Variants in RPL27A observed in about 807,000 individuals in gnomAD.
RPL27A encodes the protein large ribosomal subunit protein uL15.
For missense variants in RPL27A, 118 were observed against 189.4 expected, an observed-to-expected ratio of 0.62 and a Z score of 2.21; for synonymous variants, 69 against 68.3, an observed-to-expected ratio of 1.01 and a Z score of -0.05.
In RPL27A at chr11:8,683,120, G is replaced by T. The variant is rs1315805115; in HGVS notation, c.4-82G>T. ...CAGAAGTTAGGTCTTTGACCCACAG[G>T]CTTACAGGACCATCTCGGCTGGCGG... On this transcript the variant is annotated intron_variant, in intron 1 of 4. Coordinates refer to ENST00000314138, the MANE Select transcript of RPL27A (RefSeq NM_000990.5). 3.6e-6 allele frequency: 5 copies of T among 1,408,324 alleles called. No individual in the cohort carries two copies. In the Admixed American group the frequency reaches 5.0e-5, roughly 14 times the overall value. 87.2% of individuals were successfully genotyped at this position (1,408,324 alleles called of 1,614,324 possible).
In RPL27A at chr11:8,687,246, A is replaced by C. The variant is rs2039594531; in HGVS notation, c.*1440A>C. The stretch of plus-strand genomic sequence containing the variant: ...GAAACCTTGTCTCTACTAAATACAC[A>C]AAATTAGCCAGGCGTGGTGGCACAT... On this transcript the variant is annotated 3_prime_UTR_variant, in exon 5 of 5. Transcript: ENST00000314138. The C allele has an allele frequency of 6.6e-6, 1 of 152,252 alleles. No individual in the cohort carries two copies. The highest frequency in any genetic ancestry group is 2.4e-5 in the African/African-American group (1 of 41,458). 9.4% of individuals were successfully genotyped at this position (152,252 alleles called of 1,614,324 possible).
intron 1 of RPL27A, 82 bp from the exon 2 acceptor site, chr11:8,683,120 G>C: frequency 2.1e-6 from 3 of 1,408,324 alleles, no homozygotes; most frequent in Non-Finnish European, 2.0e-6. Context: ...TGACCCACAG[G>C]CTTACAGGAC....
chr11:8,685,350 A>G, intron 4 of RPL27A: 1 of 555,220 alleles, frequency 1.8e-6, no homozygotes, highest in Non-Finnish European at 3.5e-6. Context: ...AGCCTATTTA[A>G]TGTCCATTGA....
In RPL27A at chr11:8,684,022, C is replaced by T. The variant is rs1353348610; in HGVS notation, c.84C>T (p.His28=). The T allele has an allele frequency of 2.5e-6, 4 of 1,612,812 alleles. No homozygotes were observed. Among genetic ancestry groups the T allele is most frequent in the South Asian group, 1.1e-5 (1 of 91,084 alleles). Residue 28 remains histidine (H), a synonymous_variant, in exon 3 of 5, where the codon CAC becomes CAT. Coordinates refer to ENST00000314138, the MANE Select transcript of RPL27A (RefSeq NM_000990.5). ...GHGRIGKHRK[H]PGGRGNAGGL... ...TTCCTGCAGGCAAGCACCGGAAGCA[C>T]CCCGGCGGCCGCGGTAATGCTGGTG...
chr11:8,685,441 C>T (rs377077158), intron 4 of RPL27A: 26 of 680,846 alleles, frequency 3.8e-5, no homozygotes, highest in South Asian at 6.8e-5. Flanking sequence ...TATGCTTTGC[C>T]GAGACTAGAG....
chr11:8,684,297 T>C (rs2039559943), intron 3 of RPL27A: 1 of 753,872 alleles, frequency 1.3e-6, no homozygotes, highest in South Asian at 1.4e-5. Context: ...GAGTAACTGC[T>C]GACCTTATTC....
intron 4 of RPL27A, 183 bp downstream of exon 4, chr11:8,685,075 G>T: frequency 1.5e-6 from 1 of 652,602 alleles, no homozygotes; most frequent in South Asian, 1.8e-5. Flanking sequence ...TGCCCAGGTT[G>T]TATCAGGTTT....
rs2039575578 is a variant in RPL27A at position 8,685,259 on chromosome 11, CCT to C, written c.318+368_318+369del. The C allele has an allele frequency of 9.2e-6, 4 of 434,820 alleles. No individual in the cohort carries two copies. The Admixed American group carries it at 1.3e-4, about 14-fold the overall frequency. The allele number at this position is 434,820 out of a possible 1,614,324, so 26.9% of individuals were successfully genotyped here. A position where few individuals can be genotyped will look rare whatever the true frequency, so the allele number is the denominator to read the frequency against. On this transcript the variant is annotated intron_variant, in intron 4 of 4. Transcript: ENST00000314138. ...GTCTGTCCTTGCGGGGGTTCTGGTC[CCT>C]GTGTCAGTCTTAACTCTCATGAATA...
At chr11:8,684,960 C>A in intron 4 of RPL27A, 68 bp downstream of exon 4, 1 of 1,449,408 alleles carries the variant, frequency 6.9e-7, no homozygotes, top group Non-Finnish European at 9.7e-7. Flanking sequence ...TAATCTAATC[C>A]ACTTATATAA....
chr11:8,683,355 A>G (rs2039529147), intron 2 of RPL27A, 90 bp downstream of exon 2: 1 of 1,114,858 alleles, frequency 9.0e-7, no homozygotes, highest in South Asian at 1.3e-5. Context: ...GTGGGTTAGA[A>G]TAAGACCTTT....
In RPL27A at chr11:8,682,904, C is replaced by G. The variant is rs139071920; in HGVS notation, c.3+88C>G. On this transcript the variant is annotated intron_variant, in intron 1 of 4. Transcript: ENST00000314138. ...TTGCCCCTAGTCATCCACTCCCTACCATGGTCGGGGCTTCCAGGCTGCGCA... is the reference window on the plus strand; with the variant it reads ...TTGCCCCTAGTCATCCACTCCCTACGATGGTCGGGGCTTCCAGGCTGCGCA... 4,677 of 1,483,446 alleles carry G rather than the reference C, an allele frequency of 3.2e-3. 18 individuals are homozygous for G. The highest frequency in any genetic ancestry group is 0.015 in the Middle Eastern group (82 of 5,554). 91.9% of individuals were successfully genotyped at this position (1,483,446 alleles called of 1,614,324 possible). A position where few individuals can be genotyped will look rare whatever the true frequency, so the allele number is the denominator to read the frequency against.
At position 8,683,689 on chromosome 11, in the gene RPL27A, T is replaced by G. The variant is rs372730457; in HGVS notation, c.68-317T>G. The G allele has an allele frequency of 3.5e-4, 170 of 482,304 alleles. 1 individual carries two copies. Among genetic ancestry groups the G allele is most frequent in the South Asian group, 2.5e-3 (118 of 47,328 alleles). The allele number at this position is 482,304 out of a possible 1,614,324, so 29.9% of individuals were successfully genotyped here. ...AGGCTGTGTGGTGCATGTAGCTTTTTTGTGTGTGTGTGAGACTGATCACTG... is the reference window on the plus strand; with the variant it reads ...AGGCTGTGTGGTGCATGTAGCTTTTGTGTGTGTGTGTGAGACTGATCACTG... On this transcript the variant is annotated intron_variant, in intron 2 of 4. Coordinates refer to ENST00000314138, the MANE Select transcript of RPL27A (RefSeq NM_000990.5).
rs1487082590 is a variant in RPL27A at position 8,682,882 on chromosome 11, C to A, written c.3+66C>A. Reference sequence around the variant, plus strand: ...AGACCCCTAAGCTGTATTCCCATTGCCCCTAGTCATCCACTCCCTACCATG... The same window carrying A: ...AGACCCCTAAGCTGTATTCCCATTGACCCTAGTCATCCACTCCCTACCATG... On this transcript the variant is annotated intron_variant, in intron 1 of 4. Coordinates refer to ENST00000314138, the MANE Select transcript of RPL27A (RefSeq NM_000990.5). The A allele has an allele frequency of 1.9e-6, 3 of 1,546,414 alleles. No individual in the cohort carries two copies. In the South Asian group the frequency reaches 3.6e-5, roughly 19 times the overall value.
intron 1 of RPL27A, 36 bp downstream of exon 1, chr11:8,682,852 G>C: frequency 6.2e-7 from 1 of 1,604,422 alleles, no homozygotes; most frequent in Non-Finnish European, 8.5e-7. Flanking sequence ...CTTCCTTGCC[G>C]GCGGAGACCC....
At chr11:8,683,387 G>A in intron 2 of RPL27A, 122 bp downstream of exon 2, 1 of 795,766 alleles carries the variant, frequency 1.3e-6, no homozygotes, top group Non-Finnish European at 2.1e-6. Context: ...TTGCACAGCT[G>A]TTGATTTTTT....
intron 4 of RPL27A, chr11:8,685,321 C>T (rs749927914): frequency 1.6e-4 from 84 of 514,492 alleles, no homozygotes; most frequent in South Asian, 3.9e-4. Flanking sequence ...ACCCTAGGGA[C>T]GCTTTAAATT....
intron 4 of RPL27A, chr11:8,685,333 A>G: frequency 1.9e-6 from 1 of 529,786 alleles, no homozygotes; most frequent in South Asian, 1.5e-5. Context: ...CTTTAAATTC[A>G]CTTCCCAGCC....
chr11:8,682,804 G>C lies in RPL27A; in HGVS notation c.-10G>C. On this transcript the variant is annotated 5_prime_UTR_variant, in exon 1 of 5. Transcript: ENST00000314138. ...GGCGAAGGCCTTCCTTTTTCGTCTG[G>C]GCTGCCAACATGGTAGGTGTTTCGT... 1 of 1,613,316 alleles carries C rather than the reference G, an allele frequency of 6.2e-7. No homozygotes were observed. Among genetic ancestry groups the C allele is most frequent in the Non-Finnish European group, 8.5e-7 (1 of 1,179,602 alleles).
chr11:8,684,638 T>C, intron 3 of RPL27A, 80 bp from the exon 4 acceptor site: 2 of 1,213,820 alleles, frequency 1.6e-6, no homozygotes, highest in South Asian at 1.3e-5. Flanking sequence ...TACACTCTAA[T>C]AGGGGGTGGT....
Sources: gnomAD v4.1 joint callset for allele counts on GRCh38, gnomAD v4.1.1 for gene constraint, MANE v1.5 for transcripts, NCBI Gene and HGNC (gene_info 2026-07-23, HGNC 2026-07-21) for gene names.